FAM53B: variants seen among roughly 807,000 people sequenced by gnomAD.
FAM53B encodes the protein protein FAM53B.
FAM53B carries 12 observed loss-of-function variants against 32.7 expected under a neutral mutation model. The ratio of observed to expected loss-of-function variants is 0.37; its 90% CI spans 0.24 to 0.59. The LOEUF is 0.59. FAM53B is among the 20% of genes least tolerant of loss of function. FAM53B has a pLI of 0.72. For synonymous variants in FAM53B, 234 were observed against 228.7 expected, an observed-to-expected ratio of 1.02 and a Z score of -0.21; for missense variants, 477 against 577.7, an observed-to-expected ratio of 0.83 and a Z score of 1.79.
At chr10:124,648,775 C>T (rs997524667) in intron 4 of FAM53B, among the ~76,000 whole-genome samples, 3 of 152,270 alleles carry the variant, frequency 2.0e-5, no homozygotes, top group Admixed American at 6.5e-5. Flanking sequence ...ACCTGTCCCG[C>T]CTGTTCGGGG....
At chr10:124,663,790 C>T (rs1318431771) in intron 4 of FAM53B, among the ~76,000 whole-genome samples, 3 of 152,068 alleles carry the variant, frequency 2.0e-5, no homozygotes, top group Admixed American at 1.3e-4. Context: ...TGTTCCAGGG[C>T]GCCTACCAGC....
At chr10:124,673,579 C>T (rs760008830) in intron 4 of FAM53B, among the ~76,000 whole-genome samples, 1 of 152,202 alleles carries the variant, frequency 6.6e-6, no homozygotes, top group Non-Finnish European at 1.5e-5. Context: ...AGTGGGCACT[C>T]GCCCTAGGAC....
At chr10:124,715,875 A>G (rs528643957) in intron 1 of FAM53B, among the ~76,000 whole-genome samples, 144 of 152,302 alleles carry the variant, frequency 9.5e-4, no homozygotes, top group African/African-American at 3.4e-3. Flanking sequence ...TATCCCTAGA[A>G]ACACTGAAAT....
At chr10:124,667,365 A>AG in intron 4 of FAM53B, 1 of 756,746 alleles carries the variant, frequency 1.3e-6, no homozygotes, top group Non-Finnish European at 2.5e-6. Flanking sequence ...TGCTTCCTCT[A>AG]AGACTCAGCC....
At chr10:124,701,098 G>C (rs1949912618) in intron 2 of FAM53B, among the ~76,000 whole-genome samples, 1 of 152,246 alleles carries the variant, frequency 6.6e-6, no homozygotes, top group Non-Finnish European at 1.5e-5. Flanking sequence ...TGCCTGCCCA[G>C]GGTGAAAGGC....
chr10:124,730,043 C>T (rs941448192), intron 1 of FAM53B, among the ~76,000 whole-genome samples: 2 of 152,200 alleles, frequency 1.3e-5, no homozygotes, highest in Non-Finnish European at 2.9e-5. Flanking sequence ...GAGTAAGTCA[C>T]GTGATACTAG....
chr10:124,645,829 C>T (rs188774272), intron 4 of FAM53B, among the ~76,000 whole-genome samples: 3 of 152,236 alleles, frequency 2.0e-5, no homozygotes, highest in East Asian at 3.9e-4. Flanking sequence ...AAACCTGGGG[C>T]CAATAAGGGT....
chr10:124,713,497 G>A (rs1358264885), intron 1 of FAM53B: 1 of 152,206 alleles, frequency 6.6e-6, no homozygotes, highest in African/African-American at 2.4e-5. Context: ...ACTGTGGCCT[G>A]GGACTCTCAG....
intron 4 of FAM53B, among the ~76,000 whole-genome samples, chr10:124,649,138 T>C (rs1949539611): frequency 6.6e-6 from 1 of 152,232 alleles, no homozygotes; most frequent in South Asian, 2.1e-4. Context: ...TTTCACCAGG[T>C]ACATAATGAC....
At chr10:124,739,792 C>A (rs1950190586) in intron 1 of FAM53B, among the ~76,000 whole-genome samples, 1 of 152,134 alleles carries the variant, frequency 6.6e-6, no homozygotes, top group African/African-American at 2.4e-5. Flanking sequence ...TCACACTCCT[C>A]TGTAACCCCT....
At chr10:124,640,041 G>C (rs957832767) in intron 4 of FAM53B, among the ~76,000 whole-genome samples, 1 of 152,190 alleles carries the variant, frequency 6.6e-6, no homozygotes, top group African/African-American at 2.4e-5. Flanking sequence ...CAGGATGGCA[G>C]AAAATCACTT....
At chr10:124,692,102 GA>G (rs1949836229) in intron 3 of FAM53B, among the ~76,000 whole-genome samples, 2 of 152,216 alleles carry the variant, frequency 1.3e-5, no homozygotes, top group African/African-American at 4.8e-5. Context: ...GGATGCTCTG[GA>G]AGATGAGAAA....
At chr10:124,655,203 G>A (rs945616237) in intron 4 of FAM53B, among the ~76,000 whole-genome samples, 24 of 152,154 alleles carry the variant, frequency 1.6e-4, no homozygotes, top group African/African-American at 5.3e-4. Context: ...ACATTCAGGT[G>A]ACAAGGCTAG....
chr10:124,641,799 G>C (rs934608483), intron 4 of FAM53B, among the ~76,000 whole-genome samples: 1 of 152,200 alleles, frequency 6.6e-6, no homozygotes, highest in Admixed American at 6.5e-5. Context: ...AAGACGGCAA[G>C]CACTGATAAG....
At chr10:124,643,323 T>C (rs932233870) in intron 4 of FAM53B, among the ~76,000 whole-genome samples, 2 of 152,370 alleles carry the variant, frequency 1.3e-5, no homozygotes, top group South Asian at 2.1e-4. Context: ...TGTGGGGCCA[T>C]TGAAGCCCAG....
At chr10:124,629,126 A>G (rs1299712633) in intron 4 of FAM53B, among the ~76,000 whole-genome samples, 1 of 152,256 alleles carries the variant, frequency 6.6e-6, no homozygotes, top group Non-Finnish European at 1.5e-5. Flanking sequence ...AGCCATGGTC[A>G]GAGACTGGCC....
chr10:124,673,790 G>A (rs552660711), intron 4 of FAM53B, among the ~76,000 whole-genome samples: 14 of 152,328 alleles, frequency 9.2e-5, no homozygotes, highest in African/African-American at 2.9e-4. Context: ...CTGGGACCCC[G>A]AGGTACTGGG....
intron 4 of FAM53B, among the ~76,000 whole-genome samples, chr10:124,657,170 A>G (rs80125584): frequency 4.6e-3 from 102 of 21,954 alleles, no homozygotes; most frequent in Non-Finnish European, 0.017. Context: ...GTGTATATAT[A>G]TATGTACATA....
chr10:124,636,662 A>T (rs540388435), intron 4 of FAM53B, among the ~76,000 whole-genome samples: 1 of 141,670 alleles, frequency 7.1e-6, no homozygotes, highest in South Asian at 2.5e-4. Flanking sequence ...CACGTTGGCC[A>T]CTGGGGGCAG....
Sources: gnomAD v4.1 joint callset for allele counts (sites outside exome capture counted in the v4.1 genomes callset) on GRCh38, gnomAD v4.1.1 for gene constraint, MANE v1.5 for transcripts, NCBI Gene and HGNC (gene_info 2026-07-23, HGNC 2026-07-21) for gene names.